The following ANKRD40 variants were observed in gnomAD, a reference collection of about 807,000 sequenced individuals.
ANKRD40 encodes ankyrin repeat domain-containing protein 40.
In ANKRD40, 24 loss-of-function variants were observed where a neutral mutation model predicts 35.5. The ratio of observed to expected loss-of-function variants is 0.68; its 90% confidence interval spans 0.49 to 0.95. The LOEUF (loss-of-function observed/expected upper bound fraction) is 0.95. Ranked by LOEUF, ANKRD40 falls within the 40% of genes least tolerant of loss-of-function variation. The probability of loss-of-function intolerance (pLI) is 0.00; values close to 1 mark genes in which losing one functional copy is unlikely to be tolerated. For synonymous variants in ANKRD40, 147 were observed against 173.5 expected, an observed-to-expected ratio of 0.85 and a Z score of 1.20; for missense variants, 361 against 436.0, an observed-to-expected ratio of 0.83 and a Z score of 1.53.
chr17:50,707,223 G>A lies in ANKRD40; in HGVS notation c.134+298C>T, dbSNP rs982788247. ...CAACGCATAGTCGCTGAGAATCACTGCCTCCAGCACCGCTCTGACCAAGTG... is the reference window on the plus strand; with the variant it reads ...CAACGCATAGTCGCTGAGAATCACTACCTCCAGCACCGCTCTGACCAAGTG... On this transcript the variant is annotated intron_variant, in intron 1 of 4. Transcript: ENST00000285243. This position sits in a 1 kb window ranked among gnomAD's most constrained non-coding sequence, Gnocchi z 4.8. Among the ~76,000 whole-genome samples the A allele has an allele frequency of 1.3e-5, 2 of 152,182 alleles. No homozygotes were observed. The highest frequency in any genetic ancestry group is 2.9e-5 in the Non-Finnish European group (2 of 68,024).
At chr17:50,702,232 C>A (rs918598828) in intron 1 of ANKRD40, among the ~76,000 whole-genome samples, 2 of 152,058 alleles carry the variant, frequency 1.3e-5, no homozygotes, top group Admixed American at 6.6e-5. Context: ...GGGTGAAACC[C>A]CATCTCTACT....
chr17:50,700,078 T>C (rs983213568), intron 2 of ANKRD40, among the ~76,000 whole-genome samples, 185 bp from the exon 3 acceptor site: 20 of 152,134 alleles, frequency 1.3e-4, no homozygotes, highest in African/African-American at 4.6e-4. Flanking sequence ...AATAAAAAAA[T>C]AAAACCTTAC....
At chr17:50,704,821 C>G (rs1216918113) in intron 1 of ANKRD40, among the ~76,000 whole-genome samples, 1 of 151,852 alleles carries the variant, frequency 6.6e-6, no homozygotes, top group African/African-American at 2.4e-5. Flanking sequence ...CACTTAGAAC[C>G]CTATCTGAGC....
Position 50,699,582 on chromosome 17 carries a change from T to A in ANKRD40, c.595A>T (p.Thr199Ser). 6.2e-7 allele frequency: 1 copy of A among 1,614,154 alleles called. No individual in the cohort carries two copies. The highest frequency in any genetic ancestry group is 1.3e-5 in the African/African-American group (1 of 75,022). The change falls in exon 3 of 5, where the codon ACA (threonine) becomes TCA (serine). Residue 199 changes from threonine (T) to serine (S), a missense_variant. Thr to Ser is a moderately conservative substitution (Grantham distance 58). Around this residue, in one of 5 missense-constraint regions of ANKRD40, gnomAD observed 172 missense variants for 174.0 expected, o/e 0.99. Transcript: ENST00000285243. ...GGACCCGGTTTTGTGCTTTCTGGTGTTCTGAGTATGGCAGAGGGGGCCGAC... is the reference window on the plus strand; with the variant it reads ...GGACCCGGTTTTGTGCTTTCTGGTGATCTGAGTATGGCAGAGGGGGCCGAC... ...DVSAPSAILR[T>S]PESTKPGPVC...
In ANKRD40 at chr17:50,706,310, C is replaced by T. The variant is rs180732448; in HGVS notation, c.134+1211G>A. ...CTAATTTTTGTATTTTTAGTAGAGA[C>T]GGGGTTTCATCATGTTGGCCAGGAT... On this transcript the variant is annotated intron_variant, in intron 1 of 4. Transcript: ENST00000285243. 1.9e-3 allele frequency among the ~76,000 whole-genome samples: 286 copies of T among 151,460 alleles called. 1 individual carries two copies. Among genetic ancestry groups the T allele is most frequent in the African/African-American group, 6.2e-3 (254 of 41,248 alleles).
In ANKRD40 at chr17:50,707,841, C is replaced by G. The variant is rs974862200; in HGVS notation, c.-187G>C. ...CGCTCCCTCCCGCGGGCCGCCCCTGCTGCTCCCGGCCCGCAGGCCCAGGCC... is the reference window on the plus strand; with the variant it reads ...CGCTCCCTCCCGCGGGCCGCCCCTGGTGCTCCCGGCCCGCAGGCCCAGGCC... On this transcript the variant is annotated 5_prime_UTR_variant, in exon 1 of 5. Transcript: ENST00000285243. The surrounding 1 kb of genome is among the most constrained non-coding windows in gnomAD (Gnocchi z 4.8). The G allele has an allele frequency of 1.5e-5, 3 of 206,190 alleles. No individual in the cohort carries two copies. Among genetic ancestry groups the G allele is most frequent in the Non-Finnish European group, 2.6e-5 (3 of 115,070 alleles). 12.8% of individuals were successfully genotyped at this position (206,190 alleles called of 1,614,324 possible).
At chr17:50,698,957 T>C (rs962209474) in intron 3 of ANKRD40, among the ~76,000 whole-genome samples, 3 of 125,694 alleles carry the variant, frequency 2.4e-5, no homozygotes, top group African/African-American at 9.4e-5. Flanking sequence ...CTGGCCAACA[T>C]GGTGAAACCC....
At chr17:50,702,033 C>T (rs1005951378) in intron 1 of ANKRD40, among the ~76,000 whole-genome samples, 3 of 152,092 alleles carry the variant, frequency 2.0e-5, no homozygotes, top group Admixed American at 6.5e-5. Flanking sequence ...ATAAGAGTCT[C>T]GTTAAGTTTG....
intron 1 of ANKRD40, among the ~76,000 whole-genome samples, chr17:50,705,679 T>A (rs1968326730): frequency 6.7e-6 from 1 of 149,844 alleles, no homozygotes; most frequent in African/African-American, 2.5e-5. Flanking sequence ...TTTTTTTTTT[T>A]GAGACAGAGT....
chr17:50,699,648 G>C lies in ANKRD40; in HGVS notation c.529C>G (p.Arg177Gly), dbSNP rs1358649196. The C allele has an allele frequency of 6.2e-7, 1 of 1,614,172 alleles. No homozygotes were observed. The highest frequency in any genetic ancestry group is 1.3e-5 in the African/African-American group (1 of 75,032). Reference sequence around the variant, plus strand: ...ACTAGTGCCAAAGAGGTGTGGTCCCGGGGAAAGGTCCCTAACAGGGGAGGT... The same window carrying C: ...ACTAGTGCCAAAGAGGTGTGGTCCCCGGGAAAGGTCCCTAACAGGGGAGGT... Reference protein sequence around the residue: ...GEPPLLGTFPRDHTSLALVQN... With the variant: ...GEPPLLGTFPGDHTSLALVQN... The change falls in exon 3 of 5, where the codon CGG (arginine) becomes GGG (glycine). Residue 177 changes from arginine (R) to glycine (G), a missense_variant. Physicochemically the swap from Arg to Gly is moderately radical, Grantham distance 125. This residue lies in a region of ANKRD40 where 172 missense variants were observed against 174.0 expected (regional missense o/e 0.99). Transcript: ENST00000285243.
At chr17:50,705,892 A>G in intron 1 of ANKRD40, among the ~76,000 whole-genome samples, 1 of 148,714 alleles carries the variant, frequency 6.7e-6, no homozygotes, top group East Asian at 2.0e-4. Context: ...AACTCCTGAC[A>G]TCGTGATCTG....
Position 50,707,275 on chromosome 17 carries a change from G to T in ANKRD40, c.134+246C>A, listed in dbSNP as rs1395426276. Among the ~76,000 whole-genome samples the T allele has an allele frequency of 6.6e-6, 1 of 152,140 alleles. No homozygotes were observed. On this transcript the variant is annotated intron_variant, in intron 1 of 4. Transcript: ENST00000285243. The surrounding 1 kb of genome is among the most constrained non-coding windows in gnomAD (Gnocchi z 4.8). ...GCCGGGAGCGCGGGGGAAGGGGGTA[G>T]GGCACCAGAGTCCCAGTGGGCGCTG...
At chr17:50,706,903 C>CAAAAA (rs35024672) in intron 1 of ANKRD40, among the ~76,000 whole-genome samples, 1,258 of 37,922 alleles carry the variant, frequency 0.033, 40 homozygotes, top group East Asian at 0.039. Context: ...GACCCTGTCT[C>CAAAAA]AAAAAAAAAA....
At chr17:50,696,270 G>C in intron 4 of ANKRD40, 127 bp from the exon 5 acceptor site, 2 of 1,113,984 alleles carry the variant, frequency 1.8e-6, no homozygotes, top group Non-Finnish European at 2.5e-6. Flanking sequence ...CCCTGTGGCA[G>C]GCTAAGTCAG....
intron 3 of ANKRD40, among the ~76,000 whole-genome samples, chr17:50,698,723 G>A (rs904491628): frequency 6.6e-6 from 1 of 152,088 alleles, no homozygotes; most frequent in Non-Finnish European, 1.5e-5. Context: ...TATAGTAGAT[G>A]AGGGAATACA....
At chr17:50,706,735 A>C (rs1968343448) in intron 1 of ANKRD40, among the ~76,000 whole-genome samples, 1 of 112,858 alleles carries the variant, frequency 8.9e-6, no homozygotes, top group Non-Finnish European at 1.8e-5. Flanking sequence ...CAAAAATACC[A>C]AAAAAAAAAA....
intron 1 of ANKRD40, among the ~76,000 whole-genome samples, chr17:50,702,672 T>C (rs1295773092): frequency 6.6e-6 from 1 of 152,052 alleles, no homozygotes; most frequent in Admixed American, 6.6e-5. Flanking sequence ...AGCTTGAGAG[T>C]AAAGGAGGTA....
At chr17:50,705,748 A>G (rs564026603) in intron 1 of ANKRD40, among the ~76,000 whole-genome samples, 6 of 148,922 alleles carry the variant, frequency 4.0e-5, no homozygotes, top group East Asian at 2.0e-4. Context: ...TCAACCTCCA[A>G]CTCCCTGGTT....
At position 50,699,716 on chromosome 17, in the gene ANKRD40, G is replaced by C; in HGVS notation, c.461C>G (p.Ser154Ter). 6.2e-7 allele frequency: 1 copy of C among 1,613,522 alleles called. No homozygotes were observed. The highest frequency in any genetic ancestry group is 1.1e-5 in the South Asian group (1 of 91,052). Residue 154 changes from serine to a stop codon, truncating the protein, a stop_gained, in exon 3 of 5, where the codon TCA becomes TGA. Transcript: ENST00000285243. LOFTEE classifies it high-confidence loss of function. ...TGGAGGTGAGCCATCTGCAGGGGGT[G>C]ATGCAGGGGGTGTGGAGGGGCCCCC... ...QNGGPSTPPASPPADGSPPLL... is the reference protein window; with the variant it reads ...QNGGPSTPPA
Sources: allele counts gnomAD v4.1 joint callset (sites outside exome capture counted in the v4.1 genomes callset), GRCh38; gene constraint gnomAD v4.1.1; regional missense constraint gnomAD v4.1.1; non-coding constraint Gnocchi (gnomAD v3.1); transcripts MANE v1.5; gene names NCBI Gene and HGNC (gene_info 2026-07-23, HGNC 2026-07-21).